The following MKLN1 variants were observed in gnomAD, a reference collection of about 807,000 sequenced individuals.
MKLN1 encodes the protein muskelin 1, also known as muskelin.
Under a neutral mutation model 99.0 loss-of-function variants are expected in MKLN1, and 18 were observed. That is an observed-to-expected ratio of 0.18 (90% CI 0.13 to 0.27). The LOEUF is 0.27. MKLN1 is among the 10% of genes least tolerant of loss of function. The pLI is 1.00. For missense variants in MKLN1, 621 were observed against 875.9 expected (o/e 0.71, Z 3.67); for synonymous variants, 288 against 293.2 (o/e 0.98, Z 0.18).
At chr7:131,280,875 T>A (rs1035369307) in intron 3 of MKLN1, among the ~76,000 whole-genome samples, 2 of 152,054 alleles carry the variant, frequency 1.3e-5, no homozygotes, top group Non-Finnish European at 2.9e-5. Flanking sequence ...TCTTTGTCCA[T>A]GTTTTAATTG....
intron 2 of MKLN1, among the ~76,000 whole-genome samples, chr7:131,146,283 A>G (rs1364526280): frequency 1.3e-5 from 2 of 152,198 alleles, no homozygotes; most frequent in South Asian, 2.1e-4. Flanking sequence ...TCAAGACTGC[A>G]GTGAGCTATG....
chr7:131,480,009 A>C (rs750184611), intron 17 of MKLN1, among the ~76,000 whole-genome samples: 13 of 146,962 alleles, frequency 8.8e-5, no homozygotes, highest in Admixed American at 2.7e-4. Context: ...CGACAGAGGA[A>C]GACTCCATCT....
At chr7:131,378,856 GCA>G (rs199600859) in intron 2 of MKLN1, among the ~76,000 whole-genome samples, 2 of 150,610 alleles carry the variant, frequency 1.3e-5, no homozygotes, top group Non-Finnish European at 3.0e-5. Context: ...ACGCACGTGT[GCA>G]CACACACGCA....
intron 2 of MKLN1, among the ~76,000 whole-genome samples, chr7:131,202,146 C>CTTT (rs58800874): frequency 0.01 from 623 of 60,238 alleles, 52 homozygotes; most frequent in Non-Finnish European, 0.015. Context: ...GCACTATTGA[C>CTTT]TTTTTTTTTT....
intron 9 of MKLN1, among the ~76,000 whole-genome samples, chr7:131,429,450 G>A (rs1305716573): frequency 1.3e-5 from 2 of 151,942 alleles, no homozygotes; most frequent in Admixed American, 1.3e-4. Context: ...TTTTGCTTAT[G>A]TCTCCACTAC....
At chr7:131,299,854 T>G (rs1281601893) in intron 3 of MKLN1, among the ~76,000 whole-genome samples, 1 of 152,198 alleles carries the variant, frequency 6.6e-6, no homozygotes, top group Non-Finnish European at 1.5e-5. Context: ...ATTTTGTAAA[T>G]GGAAATACCA....
At chr7:131,160,292 C>A (rs1184401499) in intron 2 of MKLN1, among the ~76,000 whole-genome samples, 1 of 151,838 alleles carries the variant, frequency 6.6e-6, no homozygotes, top group Non-Finnish European at 1.5e-5. Flanking sequence ...ATGAATATAC[C>A]ACATGCTGTT....
chr7:131,162,716 G>T (rs1291853607), intron 2 of MKLN1, among the ~76,000 whole-genome samples: 1 of 152,088 alleles, frequency 6.6e-6, no homozygotes, highest in Non-Finnish European at 1.5e-5. Context: ...CAAGCATTTC[G>T]AATAAGAGAT....
intron 1 of MKLN1, among the ~76,000 whole-genome samples, chr7:131,139,891 C>T (rs1795706335): frequency 6.6e-6 from 1 of 152,178 alleles, no homozygotes. Context: ...ACAGACAGGC[C>T]ATGTCCTTCA....
At chr7:131,164,582 A>AT (rs913997515) in intron 2 of MKLN1, among the ~76,000 whole-genome samples, 2 of 152,080 alleles carry the variant, frequency 1.3e-5, no homozygotes, top group African/African-American at 4.8e-5. Flanking sequence ...TTTCTATTTT[A>AT]TTTTTTATTC....
At position 131,478,630 on chromosome 7, in the gene MKLN1, T is replaced by G; in HGVS notation, c.2039T>G (p.Leu680Arg). The G allele has an allele frequency of 8.7e-7, 1 of 1,143,660 alleles. No individual in the cohort carries two copies. The allele number at this position is 1,143,660 out of a possible 1,614,324, so 70.8% of individuals were successfully genotyped here. The stretch of plus-strand genomic sequence containing the variant: ...TTTTTTTTTTTTAAACAGTTTCAGC[T>G]CCTGGCATCAGCTCTATTCAAATCT... Reference protein sequence around the residue: ...SDPEETKEFQLLASALFKSGS... With the variant: ...SDPEETKEFQRLASALFKSGS... The change falls in exon 17 of 18, where the codon CTC becomes CGC. Residue 680 changes from leucine to arginine, a missense_variant. Transcript: ENST00000352689.
intron 12 of MKLN1, among the ~76,000 whole-genome samples, chr7:131,447,955 GAGGTGGCTTACACCTGTA>G (rs1796062917): frequency 6.6e-6 from 1 of 152,232 alleles, no homozygotes; most frequent in Admixed American, 6.5e-5. Flanking sequence ...GCGGCCACGT[GAGGTGGCTTACACCTGTA>G]ATCCCAGCAG....
chr7:131,179,030 T>C lies in MKLN1; in HGVS notation c.-296-23827T>C, dbSNP rs187044770. The stretch of plus-strand genomic sequence containing the variant: ...GAAGGTATTTTCTTCTGTTGTTAAG[T>C]AGGAAGTTTTCTTCTGAAGCACTTG... On this transcript the variant is annotated intron_variant, in intron 2 of 7. Transcript: ENST00000416992. Among the ~76,000 whole-genome samples the C allele has an allele frequency of 1.4e-4, 22 of 152,334 alleles. No individual in the cohort carries two copies. In the East Asian group the frequency reaches 4.2e-3, roughly 29 times the overall value.
chr7:131,384,017 A>G (rs1283581723), intron 2 of MKLN1, among the ~76,000 whole-genome samples: 1 of 152,232 alleles, frequency 6.6e-6, no homozygotes, highest in African/African-American at 2.4e-5. Flanking sequence ...TTTATAATTC[A>G]AACTTCATGT....
chr7:131,141,169 C>CA (rs1317585596), intron 1 of MKLN1, among the ~76,000 whole-genome samples: 1 of 152,136 alleles, frequency 6.6e-6, no homozygotes, highest in Non-Finnish European at 1.5e-5. Context: ...GCATCTCATT[C>CA]ATCGCTGTGA....
At chr7:131,116,188 A>AATAT (rs34767297) in intron 1 of MKLN1, among the ~76,000 whole-genome samples, 5,477 of 150,880 alleles carry the variant, frequency 0.036, 162 homozygotes, top group Non-Finnish European at 0.049. Context: ...CTATATAATG[A>AATAT]ATATATATAT....
intron 2 of MKLN1, among the ~76,000 whole-genome samples, chr7:131,178,648 G>A (rs188882265): frequency 6.6e-6 from 1 of 152,062 alleles, no homozygotes; most frequent in East Asian, 1.9e-4. Context: ...GCTCATATTG[G>A]CACTCCTGCT....
At chr7:131,118,850 A>G (rs530477269) in intron 1 of MKLN1, among the ~76,000 whole-genome samples, 1 of 152,330 alleles carries the variant, frequency 6.6e-6, no homozygotes, top group East Asian at 1.9e-4. Flanking sequence ...CCCATGATCC[A>G]ATCACCTCCC....
rs1797498485 is a variant in MKLN1, at chr7:131,494,434, CAAATAATACCAAGTTAT to C, written c.*6721_*6737del. ...AAGTGACAGCTGTAGTGTGTTGCCT[CAAATAATACCAAGTTAT>C]AAATAATACCAAGTAATTATCAACT... On this transcript the variant is annotated 3_prime_UTR_variant, in exon 18 of 18. Transcript: ENST00000352689. 6.6e-6 allele frequency: 1 copy of C among 152,064 alleles called. No homozygotes were observed. The highest frequency in any genetic ancestry group is 2.1e-4 in the South Asian group (1 of 4,828). The allele number at this position is 152,064 out of a possible 1,614,324, so 9.4% of individuals were successfully genotyped here. A position where few individuals can be genotyped will look rare whatever the true frequency, so the allele number is the denominator to read the frequency against.
Sources: allele counts gnomAD v4.1 joint callset (sites outside exome capture counted in the v4.1 genomes callset), GRCh38; gene constraint gnomAD v4.1.1; transcripts MANE v1.5; gene names NCBI Gene and HGNC (gene_info 2026-07-23, HGNC 2026-07-21).